INTS2: variants seen among roughly 807,000 people sequenced by gnomAD.
INTS2 encodes integrator complex subunit 2.
A neutral mutation model predicts 139.6 loss-of-function variants in INTS2; 57 were observed. The ratio of observed to expected loss-of-function variants is 0.41; its 90% confidence interval spans 0.33 to 0.51. The LOEUF (loss-of-function observed/expected upper bound fraction) is 0.51, where lower values mean the gene tolerates loss of function less well. INTS2 is among the 20% of genes least tolerant of loss of function. INTS2 has a pLI of 0.28. For missense variants in INTS2, 1,196 were observed against 1,436.7 expected, an observed-to-expected ratio of 0.83 and a Z score of 2.71; for synonymous variants, 473 against 493.4, an observed-to-expected ratio of 0.96 and a Z score of 0.55.
intron 7 of INTS2, chr17:61,910,285 G>A (rs2079513205): frequency 6.6e-6 from 1 of 152,242 alleles, no homozygotes; most frequent in Non-Finnish European, 1.5e-5. Context: ...GTTTCTGTTT[G>A]GGATGATGAA....
intron 5 of INTS2, among the ~76,000 whole-genome samples, chr17:61,918,854 G>C (rs375028377): frequency 6.7e-6 from 1 of 150,354 alleles, no homozygotes; most frequent in Non-Finnish European, 1.5e-5. Context: ...TTGCTCTCTT[G>C]ATATTTCACT....
rs775482372 is a variant in INTS2 at position 61,891,517 on chromosome 17, A to G, written c.1871T>C (p.Ile624Thr). 3.5e-5 allele frequency: 56 copies of G among 1,611,720 alleles called. No individual in the cohort carries two copies. The highest frequency in any genetic ancestry group is 4.6e-5 in the Non-Finnish European group (54 of 1,178,532). The change falls in exon 14 of 25, where the codon ATT becomes ACT. Residue 624 changes from isoleucine (I) to threonine (T), a missense_variant. By Grantham distance (89) the Ile-to-Thr change is moderately conservative. Coordinates refer to ENST00000251334, the MANE Select transcript of INTS2 (RefSeq NM_001351695.2). ...ATAAAAGAACCACTATTTTACCCCA[A>G]TGACTCCTTGGAAAATATTGAGTAT... is the stretch of plus-strand genomic sequence containing the variant. ...QEILNIFQGV[I>T]GGDNIRLNQR... is the part of the protein sequence containing the mutation.
At chr17:61,892,788 T>C (rs1449436449) in intron 13 of INTS2, among the ~76,000 whole-genome samples, 1 of 145,736 alleles carries the variant, frequency 6.9e-6, no homozygotes, top group African/African-American at 2.5e-5. Flanking sequence ...CTACTAAAAA[T>C]TAAAAAAAAA....
chr17:61,905,112 A>AT (rs1168959807), intron 8 of INTS2, among the ~76,000 whole-genome samples: 9 of 151,204 alleles, frequency 6.0e-5, no homozygotes, highest in East Asian at 3.9e-4. Flanking sequence ...TGCCCAGCTT[A>AT]TTTTTTTTAG....
At chr17:61,899,629 G>A (rs956959491) in intron 9 of INTS2, among the ~76,000 whole-genome samples, 1 of 151,980 alleles carries the variant, frequency 6.6e-6, no homozygotes, top group South Asian at 2.1e-4. Context: ...TACCTTATAA[G>A]GCTGGGCACA....
intron 15 of INTS2, among the ~76,000 whole-genome samples, chr17:61,888,262 C>G (rs899613645): frequency 4.6e-5 from 7 of 151,158 alleles, no homozygotes; most frequent in Non-Finnish European, 8.8e-5. Flanking sequence ...CCCAGCTACA[C>G]TGGAGGCTGA....
At chr17:61,891,976 T>A (rs1191516388) in intron 13 of INTS2, among the ~76,000 whole-genome samples, 1 of 152,128 alleles carries the variant, frequency 6.6e-6, no homozygotes, top group Non-Finnish European at 1.5e-5. Flanking sequence ...CCCTACCATA[T>A]CTGTATTTAG....
intron 14 of INTS2, among the ~76,000 whole-genome samples, chr17:61,890,427 T>C (rs1404619544): frequency 2.0e-5 from 3 of 150,478 alleles, no homozygotes; most frequent in African/African-American, 7.3e-5. Context: ...CTGGCCAACA[T>C]AGTAAAACCC....
chr17:61,927,621 C>A (rs139546586), intron 1 of INTS2, 33 bp downstream of exon 1: 346 of 1,309,134 alleles, frequency 2.6e-4, no homozygotes, highest in Non-Finnish European at 2.9e-4. Context: ...GACCTAGGAA[C>A]GCGCTGAGGC....
rs1050811275 is a variant in INTS2 at position 61,868,037 on chromosome 17, T to C, written c.3245-28A>G. On this transcript the variant is annotated intron_variant, in intron 23 of 24. Coordinates refer to ENST00000251334, the MANE Select transcript of INTS2 (RefSeq NM_001351695.2). The surrounding 1 kb of genome is among the most constrained non-coding windows in gnomAD (Gnocchi z 4.7). ...GTTGGAAAAAAATGAAACAATATTT[T>C]AGTTTACAAATATAAATTCAACACA... The C allele has an allele frequency of 1.3e-6, 2 of 1,502,328 alleles. No individual in the cohort carries two copies. Among genetic ancestry groups the C allele is most frequent in the Admixed American group, 2.4e-5 (1 of 41,426 alleles). The allele number at this position is 1,502,328 out of a possible 1,614,324, so 93.1% of individuals were successfully genotyped here.
intron 5 of INTS2, 35 bp downstream of exon 5, chr17:61,919,365 G>T: frequency 1.9e-6 from 2 of 1,055,160 alleles, no homozygotes; most frequent in Non-Finnish European, 2.9e-6. Context: ...GTCCAAGCAA[G>T]TCTTTTCAAT....
chr17:61,926,216 T>C (rs2079711761), intron 2 of INTS2, 136 bp downstream of exon 2: 1 of 655,108 alleles, frequency 1.5e-6, no homozygotes, highest in Non-Finnish European at 2.6e-6. Flanking sequence ...ACTGTAACTA[T>C]ATACAGAAAA....
At position 61,921,837 on chromosome 17, in the gene INTS2, G is replaced by T. The variant is rs1252730391; in HGVS notation, c.433-10C>A. ...CGTTGGACTCAGACACCTTAAAAAA[G>T]AAAAAAAAAAGATATAAACTCTATT... is the stretch of plus-strand genomic sequence containing the variant. On this transcript the variant is annotated splice_polypyrimidine_tract_variant and intron_variant, in intron 3 of 24. Transcript: ENST00000251334. 3 of 1,232,876 alleles carry T rather than the reference G, an allele frequency of 2.4e-6. No individual in the cohort carries two copies. Among genetic ancestry groups the T allele is most frequent in the Non-Finnish European group, 3.4e-6 (3 of 893,054 alleles). The allele number at this position is 1,232,876 out of a possible 1,614,324, so 76.4% of individuals were successfully genotyped here.
chr17:61,921,572 A>T (rs1168971807), intron 4 of INTS2, among the ~76,000 whole-genome samples, 153 bp downstream of exon 4: 1 of 152,218 alleles, frequency 6.6e-6, no homozygotes, highest in Non-Finnish European at 1.5e-5. Flanking sequence ...TTACTTAATC[A>T]TTGTCCAACT....
At chr17:61,921,690 A>G (rs2079642743) in intron 4 of INTS2, 35 bp downstream of exon 4, 2 of 1,041,948 alleles carry the variant, frequency 1.9e-6, no homozygotes, top group Middle Eastern at 4.3e-4. Context: ...ACAAGAAACT[A>G]TATATGAAAT....
chr17:61,901,781 A>G (rs924354062), intron 9 of INTS2, among the ~76,000 whole-genome samples: 1 of 151,332 alleles, frequency 6.6e-6, no homozygotes, highest in Non-Finnish European at 1.5e-5. Flanking sequence ...TTTTTTTAGT[A>G]GAGACGGGGT....
At chr17:61,920,535 G>T (rs1381277422) in intron 4 of INTS2, among the ~76,000 whole-genome samples, 2 of 140,518 alleles carry the variant, frequency 1.4e-5, no homozygotes, top group East Asian at 4.2e-4. Context: ...GCCAGGCACA[G>T]TGGCTTATGC....
In INTS2 at chr17:61,875,058, A is replaced by T; in HGVS notation, c.2457-20T>A. ...CATAGCCTGATAAGAAAATAATCACATGTTCAAAACAGTTTTTTATATATT... is the reference window on the plus strand; with the variant it reads ...CATAGCCTGATAAGAAAATAATCACTTGTTCAAAACAGTTTTTTATATATT... On this transcript the variant is annotated intron_variant, in intron 18 of 24. Coordinates refer to ENST00000251334, the MANE Select transcript of INTS2 (RefSeq NM_001351695.2). The surrounding 1 kb of genome is among the most constrained non-coding windows in gnomAD (Gnocchi z 4.6). 6.4e-7 allele frequency: 1 copy of T among 1,559,940 alleles called. No homozygotes were observed. Among genetic ancestry groups the T allele is most frequent in the Non-Finnish European group, 8.7e-7 (1 of 1,151,860 alleles).
intron 5 of INTS2, among the ~76,000 whole-genome samples, chr17:61,913,342 C>CAA (rs1193483740): frequency 2.1e-5 from 1 of 48,534 alleles, no homozygotes; most frequent in Non-Finnish European, 4.2e-5. Flanking sequence ...CTCCGTCTCC[C>CAA]AAAAAAAAAA....
Sources: gnomAD v4.1 joint callset for allele counts (sites outside exome capture counted in the v4.1 genomes callset) on GRCh38, gnomAD v4.1.1 for gene constraint, Gnocchi (gnomAD v3.1) non-coding constraint, MANE v1.5 for transcripts, NCBI Gene and HGNC (gene_info 2026-07-23, HGNC 2026-07-21) for gene names.